The following ADGRG3 variants were observed in gnomAD, a reference collection of about 807,000 sequenced individuals.
ADGRG3 encodes the protein adhesion G protein-coupled receptor G3.
A neutral mutation model predicts 54.3 loss-of-function variants in ADGRG3; 39 were observed. That is an observed-to-expected ratio of 0.72 (90% CI 0.56 to 0.94). The LOEUF is 0.94. Ranked by LOEUF, ADGRG3 falls within the 40% of genes least tolerant of loss-of-function variation. ADGRG3 has a pLI of 0.00. For missense variants in ADGRG3, 654 were observed against 694.6 expected (o/e 0.94, Z 0.66); for synonymous variants, 312 against 290.0 (o/e 1.08, Z -0.77).
rs541141171 is a variant in ADGRG3, at chr16:57,686,392, G to T, written c.1540+466G>T. On this transcript the variant is annotated intron_variant, in intron 11 of 11. Transcript: ENST00000333493. ...GCACTCACTCATCACCAAGGGGATA[G>T]TGCTAAGCCATGCATGAGGATCCGC... Among the ~76,000 whole-genome samples, 318 of 150,602 alleles carry T rather than the reference G, an allele frequency of 2.1e-3. 1 individual carries two copies. Among genetic ancestry groups the T allele is most frequent in the African/African-American group, 7.7e-3 (306 of 39,920 alleles).
At chr16:57,666,042 G>A (rs549031884), upstream of ADGRG3, among the ~76,000 whole-genome samples, 780 of 151,904 alleles carry the variant, frequency 5.1e-3, 4 homozygotes, top group Middle Eastern at 0.01. Context: ...AGCTCCAAAG[G>A]ACAGAGGCCA....
intron 8 of ADGRG3, among the ~76,000 whole-genome samples, chr16:57,683,440 T>C (rs1051628947): frequency 1.3e-5 from 2 of 152,184 alleles, no homozygotes; most frequent in Admixed American, 6.5e-5. Context: ...TAAATGCCCA[T>C]CTCTGAAGAG....
At chr16:57,682,167 C>T (rs1468453874) in intron 8 of ADGRG3, among the ~76,000 whole-genome samples, 1 of 152,198 alleles carries the variant, frequency 6.6e-6, no homozygotes, top group Non-Finnish European at 1.5e-5. Context: ...GAGTGCAGGA[C>T]AGGCAGAAAC....
At chr16:57,675,546 G>A (rs1335279055) in intron 2 of ADGRG3, among the ~76,000 whole-genome samples, 4 of 152,156 alleles carry the variant, frequency 2.6e-5, no homozygotes, top group South Asian at 4.1e-4. Flanking sequence ...CAGCAGAATC[G>A]CTTGAACCCG....
In ADGRG3 at chr16:57,684,377, C is replaced by T. The variant is rs1597780127; in HGVS notation, c.1163-13C>T. On this transcript the variant is annotated splice_polypyrimidine_tract_variant and intron_variant, in intron 9 of 11. Transcript: ENST00000333493. ...AGCCCCAGTGGTGTCATGCCATTTCCCCTTGTGCCCAGGCCTGCCCGCCCT... is the reference window on the plus strand; with the variant it reads ...AGCCCCAGTGGTGTCATGCCATTTCTCCTTGTGCCCAGGCCTGCCCGCCCT... 5.6e-6 allele frequency: 9 copies of T among 1,610,134 alleles called. No individual in the cohort carries two copies. Among genetic ancestry groups the T allele is most frequent in the Non-Finnish European group, 7.6e-6 (9 of 1,176,930 alleles).
At chr16:57,678,030 G>T (rs747473452) in intron 3 of ADGRG3, 140 bp from the exon 4 acceptor site, 14 of 962,884 alleles carry the variant, frequency 1.5e-5, no homozygotes, top group Non-Finnish European at 2.2e-5. Context: ...CTGTGCCCCA[G>T]GTGTCCTGCC....
intron 10 of ADGRG3, among the ~76,000 whole-genome samples, chr16:57,685,195 GC>G (rs1470535063): frequency 6.6e-6 from 1 of 152,204 alleles, no homozygotes; most frequent in East Asian, 1.9e-4. Context: ...AAAAGCAGGG[GC>G]CCCAGGAGCT....
chr16:57,673,240 G>T, intron 1 of ADGRG3, 81 bp from the exon 2 acceptor site: 3 of 1,374,898 alleles, frequency 2.2e-6, no homozygotes, highest in Non-Finnish European at 3.0e-6. Context: ...AGACTCTGGA[G>T]CCCCAGCTCC....
intron 4 of ADGRG3, 111 bp from the exon 5 acceptor site, chr16:57,679,066 C>G: frequency 7.7e-7 from 1 of 1,304,782 alleles, no homozygotes; most frequent in Non-Finnish European, 1.1e-6. Flanking sequence ...GTCTCGAACT[C>G]TGCCCTCCAA....
Position 57,688,616 on chromosome 16 carries a change from G to A in ADGRG3, c.*155G>A, listed in dbSNP as rs1469180819. On this transcript the variant is annotated 3_prime_UTR_variant, in exon 12 of 12. Coordinates refer to ENST00000333493, the MANE Select transcript of ADGRG3 (RefSeq NM_170776.5). The stretch of plus-strand genomic sequence containing the variant: ...CAGGTTGGACCACGTGGCATCAGAG[G>A]TCCCATCCAGATCCAACTATAGGTC... 2 of 636,804 alleles carry A rather than the reference G, an allele frequency of 3.1e-6. No homozygotes were observed. The highest frequency in any genetic ancestry group is 5.7e-6 in the Non-Finnish European group (2 of 350,458). The allele number at this position is 636,804 out of a possible 1,614,324, so 39.4% of individuals were successfully genotyped here.
At position 57,680,350 on chromosome 16, in the gene ADGRG3, T is replaced by C; in HGVS notation, c.753T>C (p.Phe251=). 1 of 1,612,606 alleles carries C rather than the reference T, an allele frequency of 6.2e-7. No homozygotes were observed. The highest frequency in any genetic ancestry group is 8.5e-7 in the Non-Finnish European group (1 of 1,179,392). ...TGTGCTGCTGTGACCACCTGACCTT[T>C]TTCGCCCTGCTCCTGGTAACAGCCC... ...GTVCCCDHLT[F]FALLLRPTLD... Residue 251 remains phenylalanine (F), a synonymous_variant, in exon 7 of 12, where the codon TTT becomes TTC. Coordinates refer to ENST00000333493, the MANE Select transcript of ADGRG3 (RefSeq NM_170776.5).
intron 2 of ADGRG3, among the ~76,000 whole-genome samples, chr16:57,674,897 G>A (rs985205638): frequency 4.6e-5 from 7 of 150,628 alleles, no homozygotes; most frequent in Non-Finnish European, 1.0e-4. Flanking sequence ...TCGGGAGGCT[G>A]AGGTGGGAGA....
At chr16:57,667,801 C>T (rs1479577868), upstream of ADGRG3, among the ~76,000 whole-genome samples, 1 of 152,246 alleles carries the variant, frequency 6.6e-6, no homozygotes, top group Non-Finnish European at 1.5e-5. Context: ...GCCATAGGCA[C>T]CATCTGGGTC....
At chr16:57,671,804 A>G (rs2048165907) in intron 1 of ADGRG3, among the ~76,000 whole-genome samples, 1 of 152,234 alleles carries the variant, frequency 6.6e-6, no homozygotes, top group African/African-American at 2.4e-5. Context: ...AAGTGTTGCA[A>G]TGCCCATGGA....
intron 1 of ADGRG3, among the ~76,000 whole-genome samples, chr16:57,672,383 T>TA (rs2048179274): frequency 6.6e-6 from 1 of 152,064 alleles, no homozygotes; most frequent in South Asian, 2.1e-4. Flanking sequence ...ATTTTTTCCT[T>TA]AAAAAAATGA....
intron 1 of ADGRG3, among the ~76,000 whole-genome samples, chr16:57,670,391 G>A (rs1416003970): frequency 2.6e-5 from 4 of 152,060 alleles, no homozygotes; most frequent in Admixed American, 6.6e-5. Context: ...ATGGCAATCC[G>A]GGAGGGAGGC....
rs767644734 is a variant in ADGRG3, at chr16:57,685,654, G to A, written c.1268G>A (p.Arg423His). The A allele has an allele frequency of 4.3e-6, 7 of 1,613,800 alleles. No homozygotes were observed. Among genetic ancestry groups the A allele is most frequent in the Admixed American group, 3.3e-5 (2 of 59,996 alleles). Residue 423 changes from arginine to histidine, a missense_variant, in exon 11 of 12, where the codon CGT (arginine) becomes CAT (histidine). Transcript: ENST00000333493. ...GCCCCCTCCTCCAGATGCTGGTTCC[G>A]TGAAGGGACAACCATGTACGCCCTC... ...NRTSLELCWF[R>H]EGTTMYALYI...
chr16:57,668,207 A>G, upstream of ADGRG3: 1 of 668,100 alleles, frequency 1.5e-6, no homozygotes, highest in Non-Finnish European at 2.5e-6. Flanking sequence ...CAATGGCGCC[A>G]TCGAGCAGGA....
chr16:57,684,299 C>A, intron 9 of ADGRG3, 87 bp downstream of exon 9: 1 of 1,570,186 alleles, frequency 6.4e-7, no homozygotes, highest in Non-Finnish European at 8.7e-7. Context: ...GAGGGGTTCC[C>A]AGAGCTGGAG....
Sources: gnomAD v4.1 joint callset for allele counts (sites outside exome capture counted in the v4.1 genomes callset) on GRCh38, gnomAD v4.1.1 for gene constraint, MANE v1.5 for transcripts, NCBI Gene and HGNC (gene_info 2026-07-23, HGNC 2026-07-21) for gene names.